EPB41L4B: variants seen among roughly 807,000 people sequenced by gnomAD.
EPB41L4B encodes erythrocyte membrane protein band 4.1 like 4B.
In EPB41L4B, 30 loss-of-function variants were observed where a neutral mutation model predicts 112.5. The observed-to-expected ratio is 0.27, with a 90% confidence interval of 0.20 to 0.36. The LOEUF (loss-of-function observed/expected upper bound fraction) is 0.36, where lower values mean the gene tolerates loss of function less well. Ranked by LOEUF, EPB41L4B falls within the 10% of genes least tolerant of loss-of-function variation. EPB41L4B has a pLI of 1.00. For synonymous variants in EPB41L4B, 408 were observed against 439.7 expected, an observed-to-expected ratio of 0.93 and a Z score of 0.90; for missense variants, 1,024 against 1,133.3, an observed-to-expected ratio of 0.90 and a Z score of 1.38.
intron 24 of EPB41L4B, among the ~76,000 whole-genome samples, chr9:109,181,613 G>T (rs2118611080): frequency 6.6e-6 from 1 of 152,132 alleles, no homozygotes; most frequent in South Asian, 2.1e-4. Context: ...AAGGTATGAG[G>T]ATCACTTGAG....
chr9:109,303,232 A>G (rs1837045704), intron 1 of EPB41L4B, among the ~76,000 whole-genome samples: 1 of 152,198 alleles, frequency 6.6e-6, no homozygotes, highest in Non-Finnish European at 1.5e-5. Context: ...AGTGGTGATC[A>G]CTTGGTGAAA....
At position 109,187,654 on chromosome 9, in the gene EPB41L4B, C is replaced by G. The variant is rs369654291; in HGVS notation, c.2302-2049G>C. Reference sequence around the variant, plus strand: ...ACCAGAAACAACTACAACAGGGGACCCAGGCCACTGGGTCTTTTCTTCTCT... The same window carrying G: ...ACCAGAAACAACTACAACAGGGGACGCAGGCCACTGGGTCTTTTCTTCTCT... On this transcript the variant is annotated intron_variant, in intron 22 of 25. Coordinates refer to ENST00000374566, the MANE Select transcript of EPB41L4B (RefSeq NM_019114.5). Among the ~76,000 whole-genome samples, 9 of 152,252 alleles carry G rather than the reference C, an allele frequency of 5.9e-5. No individual in the cohort carries two copies. In the East Asian group the frequency reaches 1.7e-3, roughly 29 times the overall value.
chr9:109,271,889 T>C (rs1295264297), intron 2 of EPB41L4B, among the ~76,000 whole-genome samples: 2 of 152,318 alleles, frequency 1.3e-5, no homozygotes, highest in Middle Eastern at 3.4e-3. Context: ...CAAAATCCTT[T>C]CCATAAATCA....
intron 13 of EPB41L4B, among the ~76,000 whole-genome samples, chr9:109,248,559 G>A (rs1468129406): frequency 6.6e-6 from 1 of 152,168 alleles, no homozygotes; most frequent in Non-Finnish European, 1.5e-5. Flanking sequence ...TTGGCTCTTA[G>A]AGGGACTGAG....
At chr9:109,208,186 T>C (rs1465396650) in intron 17 of EPB41L4B, 137 bp from the exon 18 acceptor site, 2 of 1,025,812 alleles carry the variant, frequency 1.9e-6, no homozygotes, top group East Asian at 5.2e-5. Context: ...CCTTATATTT[T>C]TATCTGTGCT....
chr9:109,252,822 G>A (rs1834841862), intron 12 of EPB41L4B, among the ~76,000 whole-genome samples: 2 of 152,164 alleles, frequency 1.3e-5, no homozygotes, highest in Non-Finnish European at 2.9e-5. Context: ...GGATCCAACA[G>A]AAATGAGCCT....
intron 23 of EPB41L4B, among the ~76,000 whole-genome samples, chr9:109,183,614 C>T (rs76545331): frequency 6.6e-6 from 1 of 152,302 alleles, no homozygotes; most frequent in East Asian, 1.9e-4. Flanking sequence ...GCCTAGGGTA[C>T]GTCATCAGGC....
At chr9:109,178,966 T>C (rs1487052676) in intron 24 of EPB41L4B, among the ~76,000 whole-genome samples, 9 of 144,876 alleles carry the variant, frequency 6.2e-5, no homozygotes, top group African/African-American at 2.3e-4. Flanking sequence ...AAAAATTACA[T>C]TATTAAATCT....
chr9:109,225,626 C>T (rs1264523198), intron 15 of EPB41L4B, among the ~76,000 whole-genome samples: 3 of 152,204 alleles, frequency 2.0e-5, no homozygotes, highest in Non-Finnish European at 4.4e-5. Flanking sequence ...GTGGGAGCTA[C>T]AATTTGAGAT....
At chr9:109,318,574 G>A (rs1465474926) in intron 1 of EPB41L4B, among the ~76,000 whole-genome samples, 1 of 152,114 alleles carries the variant, frequency 6.6e-6, no homozygotes, top group African/African-American at 2.4e-5. Flanking sequence ...GATCCGAGAT[G>A]CAAACTACGC....
intron 5 of EPB41L4B, among the ~76,000 whole-genome samples, chr9:109,264,094 T>C (rs1194898141): frequency 6.6e-6 from 1 of 151,978 alleles, no homozygotes; most frequent in East Asian, 1.9e-4. Flanking sequence ...ACACTCATAA[T>C]ACACACACCA....
chr9:109,251,416 C>A, intron 13 of EPB41L4B, 65 bp downstream of exon 13: 2 of 1,502,358 alleles, frequency 1.3e-6, no homozygotes, highest in South Asian at 2.3e-5. Context: ...AGGAAAAAGT[C>A]AACATTGCAA....
At chr9:109,244,679 A>G (rs1418428620) in intron 14 of EPB41L4B, among the ~76,000 whole-genome samples, 1 of 152,042 alleles carries the variant, frequency 6.6e-6, no homozygotes, top group East Asian at 1.9e-4. Flanking sequence ...GTGCAGCCCT[A>G]GCCGGCTAGG....
chr9:109,267,756 T>C (rs752534596), intron 3 of EPB41L4B, among the ~76,000 whole-genome samples: 3 of 152,234 alleles, frequency 2.0e-5, no homozygotes, highest in Non-Finnish European at 2.9e-5. Context: ...TAAGATAGTT[T>C]AGCTAGTAAC....
intron 22 of EPB41L4B, 84 bp from the exon 23 acceptor site, chr9:109,185,689 G>A (rs1832235464): frequency 1.1e-5 from 11 of 1,032,212 alleles, no homozygotes; most frequent in Non-Finnish European, 1.6e-5. Flanking sequence ...AGGGAAAGGA[G>A]AGAAAGACAG....
At chr9:109,266,344 C>T (rs901086786) in intron 4 of EPB41L4B, among the ~76,000 whole-genome samples, 5 of 152,038 alleles carry the variant, frequency 3.3e-5, no homozygotes, top group Non-Finnish European at 7.4e-5. Flanking sequence ...CCACTGCACT[C>T]CAGCCTGGTT....
chr9:109,175,205 C>G (rs1474753713), intron 25 of EPB41L4B, among the ~76,000 whole-genome samples: 1 of 152,058 alleles, frequency 6.6e-6, no homozygotes, highest in Non-Finnish European at 1.5e-5. Context: ...GCATGAGCCA[C>G]CAAGCCCGGC....
At chr9:109,227,590 C>T (rs937902300) in intron 15 of EPB41L4B, among the ~76,000 whole-genome samples, 4 of 148,334 alleles carry the variant, frequency 2.7e-5, no homozygotes, top group Non-Finnish European at 4.5e-5. Context: ...ATATCCCCCC[C>T]TTTTTTTTTT....
intron 22 of EPB41L4B, among the ~76,000 whole-genome samples, chr9:109,188,555 G>A (rs866162657): frequency 7.2e-5 from 11 of 152,352 alleles, no homozygotes; most frequent in Admixed American, 1.3e-4. Flanking sequence ...CCACCTCCCT[G>A]TGCCCTAGGG....
Sources: allele counts gnomAD v4.1 joint callset (sites outside exome capture counted in the v4.1 genomes callset), GRCh38; gene constraint gnomAD v4.1.1; transcripts MANE v1.5; gene names NCBI Gene and HGNC (gene_info 2026-07-23, HGNC 2026-07-21).